The following STRN4 variants were observed in gnomAD, a reference collection of about 807,000 sequenced individuals.
STRN4 encodes striatin 4, also known as striatin-4.
In STRN4, 27 loss-of-function variants were observed where a neutral mutation model predicts 77.9. The ratio of observed to expected loss-of-function variants is 0.35; its 90% CI spans 0.26 to 0.48. The LOEUF (loss-of-function observed/expected upper bound fraction) is 0.48. STRN4 is among the 20% of genes least tolerant of loss of function. STRN4 has a pLI of 0.99. For synonymous variants in STRN4, 466 were observed against 443.1 expected (o/e 1.05, Z -0.65); for missense variants, 798 against 1,049.7 (o/e 0.76, Z 3.31).
chr19:46,746,118 T>C, intron 1 of STRN4, 31 bp downstream of exon 1: 1 of 1,373,064 alleles, frequency 7.3e-7, no homozygotes, highest in Non-Finnish European at 9.5e-7. Flanking sequence ...CGGGCCGGGT[T>C]GGGGGTCGGG....
chr19:46,739,140 A>T (rs1471456791), intron 1 of STRN4, among the ~76,000 whole-genome samples: 1 of 152,204 alleles, frequency 6.6e-6, no homozygotes, highest in Non-Finnish European at 1.5e-5. Flanking sequence ...CCCTGAGATA[A>T]CAATGGGGCC....
intron 1 of STRN4, 105 bp downstream of exon 1, chr19:46,746,044 C>T: frequency 1.2e-6 from 1 of 867,336 alleles, no homozygotes; most frequent in Non-Finnish European, 1.5e-6. Flanking sequence ...CCCCCGCCGG[C>T]CGTCCCGGCG....
At position 46,731,041 on chromosome 19, in the gene STRN4, C is replaced by A. The variant is rs1599876465; in HGVS notation, c.738-168G>T. Reference sequence around the variant, plus strand: ...CACAGAGCCCCAACCCCAGCCTCTGCCCAACAAATGCTCATTCCAACTGGA... The same window carrying A: ...CACAGAGCCCCAACCCCAGCCTCTGACCAACAAATGCTCATTCCAACTGGA... On this transcript the variant is annotated intron_variant, in intron 5 of 17. Coordinates refer to ENST00000263280, the MANE Select transcript of STRN4 (RefSeq NM_013403.3). The A allele has an allele frequency of 6.6e-6, 6 of 903,326 alleles. No individual in the cohort carries two copies. The East Asian group carries it at 1.6e-4, about 24-fold the overall frequency. 56.0% of individuals were successfully genotyped at this position (903,326 alleles called of 1,614,324 possible).
intron 9 of STRN4, among the ~76,000 whole-genome samples, chr19:46,726,483 C>CAAA (rs35238185): frequency 4.5e-5 from 6 of 134,294 alleles, no homozygotes; most frequent in South Asian, 2.4e-4. Flanking sequence ...CCTCAAGGAG[C>CAAA]AAAAAAAAAA....
chr19:46,741,608 C>T lies in STRN4; in HGVS notation c.283-2720G>A, dbSNP rs942994606. Among the ~76,000 whole-genome samples, 1 of 152,214 alleles carries T rather than the reference C, an allele frequency of 6.6e-6. No homozygotes were observed. The highest frequency in any genetic ancestry group is 2.4e-5 in the African/African-American group (1 of 41,456). ...GTCGGTCGGGGATCTGGAAGTGCCG[C>T]TCACCATATCCACCCACTGCCACTC... On this transcript the variant is annotated intron_variant, in intron 1 of 17. Transcript: ENST00000263280. This position sits in a 1 kb window ranked among gnomAD's most constrained non-coding sequence, Gnocchi z 4.9.
chr19:46,738,773 A>C lies in STRN4; in HGVS notation c.386+12T>G, dbSNP rs2054419003. 1 of 1,613,828 alleles carries C rather than the reference A, an allele frequency of 6.2e-7. No homozygotes were observed. The highest frequency in any genetic ancestry group is 8.5e-7 in the Non-Finnish European group (1 of 1,179,972). ...ACCCAGAAGGCAGGCCCAGGGCAGGATGAAGGCTCACCTTTCCTGCTTCAG... is the reference window on the plus strand; with the variant it reads ...ACCCAGAAGGCAGGCCCAGGGCAGGCTGAAGGCTCACCTTTCCTGCTTCAG... On this transcript the variant is annotated intron_variant, in intron 2 of 17. Transcript: ENST00000263280. This position sits in a 1 kb window ranked among gnomAD's most constrained non-coding sequence, Gnocchi z 4.5.
At chr19:46,728,200 G>A in intron 7 of STRN4, 193 bp from the exon 8 acceptor site, 1 of 699,756 alleles carries the variant, frequency 1.4e-6, no homozygotes, top group Non-Finnish European at 2.6e-6. Context: ...GCAGGTCACT[G>A]CCTTGCCTAG....
At chr19:46,720,386 G>A (rs960267885) in intron 17 of STRN4, 48 bp from the exon 18 acceptor site, 8 of 468,836 alleles carry the variant, frequency 1.7e-5, no homozygotes, top group South Asian at 7.9e-5. Flanking sequence ...CCTCTAGGGC[G>A]CCTCTAAGGC....
chr19:46,722,972 G>A (rs1293246501), intron 13 of STRN4, 22 bp from the exon 14 acceptor site: 7 of 1,612,964 alleles, frequency 4.3e-6, no homozygotes, highest in Non-Finnish European at 5.1e-6. Context: ...GGGAAGAGAA[G>A]GCTGCTGAAT....
chr19:46,727,584 A>C, intron 8 of STRN4, 38 bp from the exon 9 acceptor site: 1 of 1,567,852 alleles, frequency 6.4e-7, no homozygotes, highest in Non-Finnish European at 8.8e-7. Context: ...GGGGGAGGGG[A>C]GGGAGGGGCA....
rs1459127964 is a variant in STRN4 at position 46,741,841 on chromosome 19, A to G, written c.283-2953T>C. ...CTGGGAAGAGTCCCCGTTTCGTGCCATCTAGCCCTGCATCTCCTAAGGGCC... is the reference window on the plus strand; with the variant it reads ...CTGGGAAGAGTCCCCGTTTCGTGCCGTCTAGCCCTGCATCTCCTAAGGGCC... On this transcript the variant is annotated intron_variant, in intron 1 of 17. Coordinates refer to ENST00000263280, the MANE Select transcript of STRN4 (RefSeq NM_013403.3). The surrounding 1 kb of genome is among the most constrained non-coding windows in gnomAD (Gnocchi z 4.9). Among the ~76,000 whole-genome samples the G allele has an allele frequency of 2.6e-5, 4 of 152,158 alleles. No homozygotes were observed. The highest frequency in any genetic ancestry group is 6.5e-5 in the Admixed American group (1 of 15,276).
chr19:46,737,976 G>A (rs1026351890), intron 3 of STRN4, among the ~76,000 whole-genome samples, 188 bp downstream of exon 3: 1 of 152,044 alleles, frequency 6.6e-6, no homozygotes, highest in Non-Finnish European at 1.5e-5. Flanking sequence ...GGCCCCCAGG[G>A]TCCAGCACGG....
In STRN4 at chr19:46,741,915, C is replaced by A. The variant is rs2054481770; in HGVS notation, c.283-3027G>T. 6.6e-6 allele frequency among the ~76,000 whole-genome samples: 1 copy of A among 152,238 alleles called. No homozygotes were observed. Among genetic ancestry groups the A allele is most frequent in the Non-Finnish European group, 1.5e-5 (1 of 68,044 alleles). On this transcript the variant is annotated intron_variant, in intron 1 of 17. Coordinates refer to ENST00000263280, the MANE Select transcript of STRN4 (RefSeq NM_013403.3). This position sits in a 1 kb window ranked among gnomAD's most constrained non-coding sequence, Gnocchi z 4.9. Reference sequence around the variant, plus strand: ...CTGGCAGGAATGGGCCCCCAGGAAGCTGAAGTGGGCAGGGGCAGCTCCGCA... The same window carrying A: ...CTGGCAGGAATGGGCCCCCAGGAAGATGAAGTGGGCAGGGGCAGCTCCGCA...
In STRN4 at chr19:46,727,925, A is replaced by T; in HGVS notation, c.1122T>A (p.Pro374=). The T allele has an allele frequency of 1.2e-6, 2 of 1,612,482 alleles. No individual in the cohort carries two copies. Among genetic ancestry groups the T allele is most frequent in the South Asian group, 2.2e-5 (2 of 90,852 alleles). ...DGLPPKVTGP[P]PGTPQPRPHE... Reference sequence around the variant, plus strand: ...GTGGCCGGGGCTGGGGTGTGCCAGGAGGCGGGCCAGTCACTTTTGGGGGCA... The same window carrying T: ...GTGGCCGGGGCTGGGGTGTGCCAGGTGGCGGGCCAGTCACTTTTGGGGGCA... The change falls in exon 8 of 18, where the codon CCT becomes CCA. Residue 374 remains proline (P), a synonymous_variant. Transcript: ENST00000263280.
At position 46,738,013 on chromosome 19, in the gene STRN4, TGA is replaced by T; in HGVS notation, c.460+149_460+150del. Reference sequence around the variant, plus strand: ...ACCTGGCAGCCCATAGGGAGGGCTCTGAGAGTGAGATTCCGCCCCTCCCCAGC... The same window carrying T: ...ACCTGGCAGCCCATAGGGAGGGCTCTGAGTGAGATTCCGCCCCTCCCCAGC... On this transcript the variant is annotated intron_variant, in intron 3 of 17. Transcript: ENST00000263280. The surrounding 1 kb of genome is among the most constrained non-coding windows in gnomAD (Gnocchi z 4.5). The T allele has an allele frequency of 2.6e-6, 2 of 779,528 alleles. No homozygotes were observed. Among genetic ancestry groups the T allele is most frequent in the Non-Finnish European group, 4.3e-6 (2 of 460,892 alleles). 48.3% of individuals were successfully genotyped at this position (779,528 alleles called of 1,614,324 possible).
Position 46,723,019 on chromosome 19 carries a change from C to A in STRN4, c.1766-69G>T, listed in dbSNP as rs1051629323. 6.2e-7 allele frequency: 1 copy of A among 1,600,340 alleles called. No individual in the cohort carries two copies. On this transcript the variant is annotated intron_variant, in intron 13 of 17. Transcript: ENST00000263280. The surrounding 1 kb of genome is among the most constrained non-coding windows in gnomAD (Gnocchi z 5.5). ...CCCAGCCCTGCCCCAGGGTGGGGGACAGTGGGTGGGAGGCCTGGGGCCTCA... is the reference window on the plus strand; with the variant it reads ...CCCAGCCCTGCCCCAGGGTGGGGGAAAGTGGGTGGGAGGCCTGGGGCCTCA...
rs974852980 is a variant in STRN4, at chr19:46,728,353, GCTGGACGC to G, written c.1039+257_1039+264del. The G allele has an allele frequency of 8.5e-6, 5 of 590,750 alleles. No homozygotes were observed. In the African/African-American group the frequency reaches 9.3e-5, roughly 11 times the overall value. 36.6% of individuals were successfully genotyped at this position (590,750 alleles called of 1,614,324 possible). A position where few individuals can be genotyped will look rare whatever the true frequency, so the allele number is the denominator to read the frequency against. On this transcript the variant is annotated intron_variant, in intron 7 of 17. Transcript: ENST00000263280. ...TGTTCCCTCCTTGAGGCCAGCCAGAGCTGGACGCCCGCCCTGGAGGGCTGGCGGCCCCA... is the reference window on the plus strand; with the variant it reads ...TGTTCCCTCCTTGAGGCCAGCCAGAGCCGCCCTGGAGGGCTGGCGGCCCCA...
At chr19:46,732,938 G>T in intron 5 of STRN4, 101 bp downstream of exon 5, 1 of 1,399,802 alleles carries the variant, frequency 7.1e-7, no homozygotes, top group Non-Finnish European at 9.6e-7. Context: ...AGGAGGAGGG[G>T]CCGCCAGGGC....
chr19:46,725,885 C>G, intron 9 of STRN4: 1 of 557,604 alleles, frequency 1.8e-6, no homozygotes, highest in East Asian at 3.1e-5. Flanking sequence ...TGAGCCTGAC[C>G]CCTTGGGGTC....
Sources: gnomAD v4.1 joint callset for allele counts (sites outside exome capture counted in the v4.1 genomes callset) on GRCh38, gnomAD v4.1.1 for gene constraint, Gnocchi (gnomAD v3.1) non-coding constraint, MANE v1.5 for transcripts, NCBI Gene and HGNC (gene_info 2026-07-23, HGNC 2026-07-21) for gene names.